Variants in GHR observed in about 807,000 individuals in gnomAD.
GHR encodes the protein growth hormone receptor, also known as GH receptor.
A neutral mutation model predicts 67.1 loss-of-function variants in GHR; 35 were observed. The ratio of observed to expected loss-of-function variants is 0.52; its 90% confidence interval spans 0.40 to 0.69. The LOEUF is 0.69. Ranked by LOEUF, GHR falls within the 30% of genes least tolerant of loss-of-function variation. The probability of loss-of-function intolerance (pLI) is 0.00; values close to 1 mark genes in which losing one functional copy is unlikely to be tolerated. For synonymous variants in GHR, 272 were observed against 269.1 expected (o/e 1.01, Z -0.10); for missense variants, 792 against 764.6 (o/e 1.04, Z -0.42).
At chr5:42,584,444 C>A (rs1404356036) in intron 2 of GHR, among the ~76,000 whole-genome samples, 1 of 152,144 alleles carries the variant, frequency 6.6e-6, no homozygotes, top group Admixed American at 6.5e-5. Flanking sequence ...ATGCCGTATA[C>A]TCCCTCAAGC....
chr5:42,514,480 A>G, intron 1 of GHR: 1 of 218,326 alleles, frequency 4.6e-6, no homozygotes, highest in Non-Finnish European at 7.8e-6. Context: ...ATTTAAAAAA[A>G]AAAAGAAGCT....
Position 42,461,686 on chromosome 5 carries a change from T to C in GHR, c.-12+37731T>C, listed in dbSNP as rs78537189. ...AATGTTTATCTTCCTCCCAATAGTC[T>C]GTCAGCACTTTGGCAGCCAGTTGTG... On this transcript the variant is annotated intron_variant, in intron 1 of 9. Coordinates refer to ENST00000230882, the MANE Select transcript of GHR (RefSeq NM_000163.5). 1.1e-3 allele frequency among the ~76,000 whole-genome samples: 172 copies of C among 152,346 alleles called. 2 individuals carry two copies. The East Asian group carries it at 0.028, about 25-fold the overall frequency.
chr5:42,638,554 C>T (rs1354252776), intron 3 of GHR, among the ~76,000 whole-genome samples: 1 of 152,126 alleles, frequency 6.6e-6, no homozygotes, highest in Non-Finnish European at 1.5e-5. Context: ...TGTTACTGTA[C>T]TGAATATTCT....
chr5:42,593,145 C>G (rs1282013538), intron 2 of GHR, among the ~76,000 whole-genome samples: 1 of 152,158 alleles, frequency 6.6e-6, no homozygotes, highest in Non-Finnish European at 1.5e-5. Flanking sequence ...ACCTTATAAT[C>G]AATATTGCAT....
At chr5:42,624,818 G>A (rs976285588) in intron 2 of GHR, among the ~76,000 whole-genome samples, 2 of 152,110 alleles carry the variant, frequency 1.3e-5, no homozygotes, top group African/African-American at 4.8e-5. Flanking sequence ...CTGATTTGTA[G>A]CAAAGATCTG....
intron 2 of GHR, among the ~76,000 whole-genome samples, chr5:42,582,107 G>T (rs1029539601): frequency 2.0e-5 from 3 of 152,258 alleles, no homozygotes; most frequent in African/African-American, 7.2e-5. Context: ...GAGACTGAGA[G>T]GGCACTAAGG....
rs201868262 is a variant in GHR, at chr5:42,662,823, T to G, written c.137-26067T>G. On this transcript the variant is annotated intron_variant, in intron 3 of 9. Transcript: ENST00000230882. ...ATAATTAATGAATCCAGGAGCTGGT[T>G]TTTGGAAAGGATCAACAAAATTGAT... 3.0e-4 allele frequency among the ~76,000 whole-genome samples: 45 copies of G among 152,202 alleles called. No homozygotes were observed. The East Asian group carries it at 4.4e-3, about 15-fold the overall frequency.
rs1359047675 is a variant in GHR, at chr5:42,576,143, T to TAAAATAAAATAAAATAAAATAAA, written c.70+10200_70+10201insAAATAAAATAAAATAAAATAAAA. Among the ~76,000 whole-genome samples, 39 of 83,508 alleles carry TAAAATAAAATAAAATAAAATAAA rather than the reference T, an allele frequency of 4.7e-4. 1 individual carries two copies. The highest frequency in any genetic ancestry group is 1.8e-3 in the African/African-American group (36 of 20,140). The allele number at this position is 83,508 out of a possible 152,430, so 54.8% of individuals were successfully genotyped here. Reference sequence around the variant, plus strand: ...TAAAATAAAATAAAATAAAATAAAATAGTAAAGTAAAATAAAATAAAGGCA... The same window carrying TAAAATAAAATAAAATAAAATAAA: ...TAAAATAAAATAAAATAAAATAAAATAAAATAAAATAAAATAAAATAAAAGTAAAGTAAAATAAAATAAAGGCA... On this transcript the variant is annotated intron_variant, in intron 2 of 9. Coordinates refer to ENST00000230882, the MANE Select transcript of GHR (RefSeq NM_000163.5).
intron 3 of GHR, among the ~76,000 whole-genome samples, chr5:42,678,885 G>A (rs1756697547): frequency 6.6e-6 from 1 of 150,476 alleles, no homozygotes; most frequent in African/African-American, 2.4e-5. Context: ...ATGTGCGTGT[G>A]TATATCTATC....
At chr5:42,585,617 C>A (rs1304375135) in intron 2 of GHR, among the ~76,000 whole-genome samples, 1 of 152,202 alleles carries the variant, frequency 6.6e-6, no homozygotes, top group East Asian at 1.9e-4. Context: ...TTATTTTTGT[C>A]ATAGATTACT....
intron 1 of GHR, among the ~76,000 whole-genome samples, chr5:42,524,792 C>T (rs547788982): frequency 6.6e-6 from 1 of 152,330 alleles, no homozygotes; most frequent in South Asian, 2.1e-4. Flanking sequence ...TATGTCCCAC[C>T]TGCTCCAGCT....
chr5:42,715,351 G>A (rs763748289), intron 8 of GHR, among the ~76,000 whole-genome samples: 4 of 152,282 alleles, frequency 2.6e-5, no homozygotes, highest in South Asian at 2.1e-4. Flanking sequence ...TGCAAAGAAC[G>A]AGATTTTTCC....
intron 3 of GHR, among the ~76,000 whole-genome samples, chr5:42,632,021 C>A (rs1753951691): frequency 6.6e-6 from 1 of 152,096 alleles, no homozygotes; most frequent in East Asian, 1.9e-4. Context: ...TCTCCTTCCA[C>A]CCCCTGCCCC....
chr5:42,540,557 G>A (rs545201079), intron 1 of GHR, among the ~76,000 whole-genome samples: 8 of 152,032 alleles, frequency 5.3e-5, no homozygotes, highest in African/African-American at 1.2e-4. Flanking sequence ...TCTAACCTAC[G>A]GGAAGCCTGT....
intron 3 of GHR, among the ~76,000 whole-genome samples, chr5:42,685,652 G>T (rs1164919501): frequency 6.6e-6 from 1 of 152,152 alleles, no homozygotes; most frequent in Non-Finnish European, 1.5e-5. Flanking sequence ...GGTGTGAAAT[G>T]GTATCTCATT....
At chr5:42,521,228 C>A (rs1747460942) in intron 1 of GHR, among the ~76,000 whole-genome samples, 1 of 152,148 alleles carries the variant, frequency 6.6e-6, no homozygotes, top group South Asian at 2.1e-4. Context: ...GAATCATAGG[C>A]TGTTCTTGAG....
At chr5:42,681,652 T>C (rs2111594464) in intron 3 of GHR, among the ~76,000 whole-genome samples, 1 of 152,122 alleles carries the variant, frequency 6.6e-6, no homozygotes, top group South Asian at 2.1e-4. Context: ...TAAATACACA[T>C]GCGGCCGGGC....
chr5:42,482,377 G>A (rs538863833), intron 1 of GHR, among the ~76,000 whole-genome samples: 16 of 152,268 alleles, frequency 1.1e-4, no homozygotes, highest in Admixed American at 2.0e-4. Flanking sequence ...CTCAAGCTGC[G>A]TGCTGGGAGA....
intron 3 of GHR, among the ~76,000 whole-genome samples, chr5:42,688,050 C>T (rs1469175847): frequency 6.6e-6 from 1 of 152,232 alleles, no homozygotes; most frequent in Non-Finnish European, 1.5e-5. Context: ...AGAATTAACA[C>T]ATGAGTATGT....
Sources: allele counts gnomAD v4.1 joint callset (sites outside exome capture counted in the v4.1 genomes callset), GRCh38; gene constraint gnomAD v4.1.1; transcripts MANE v1.5; gene names NCBI Gene and HGNC (gene_info 2026-07-23, HGNC 2026-07-21).